ELOVL6: variants seen among roughly 807,000 people sequenced by gnomAD.
ELOVL6 encodes the protein ELOVL fatty acid elongase 6, also known as very long chain fatty acid elongase 6.
A neutral mutation model predicts 31.7 loss-of-function variants in ELOVL6; 8 were observed. The ratio of observed to expected loss-of-function variants is 0.25; its 90% CI spans 0.15 to 0.45. The LOEUF (loss-of-function observed/expected upper bound fraction) is 0.45. Among genes scored for constraint, ELOVL6 ranks in the 20% least tolerant of loss-of-function variants. ELOVL6 has a pLI of 1.00. For synonymous variants in ELOVL6, 101 were observed against 117.7 expected (o/e 0.86, Z 0.92); for missense variants, 126 against 326.4 (o/e 0.39, Z 4.73).
intron 1 of ELOVL6, among the ~76,000 whole-genome samples, chr4:110,121,530 C>G (rs1392139696): frequency 6.6e-6 from 1 of 152,146 alleles, no homozygotes; most frequent in Non-Finnish European, 1.5e-5. Flanking sequence ...AACCCCGTCT[C>G]TACTAAAAAT....
At chr4:110,183,439 G>A (rs763965976) in intron 1 of ELOVL6, among the ~76,000 whole-genome samples, 1 of 152,118 alleles carries the variant, frequency 6.6e-6, no homozygotes, top group Admixed American at 6.5e-5. Flanking sequence ...GTAAAACCAA[G>A]CTATAAACCA....
intron 2 of ELOVL6, among the ~76,000 whole-genome samples, chr4:110,072,994 C>T (rs1755534105): frequency 6.6e-6 from 1 of 152,116 alleles, no homozygotes; most frequent in Admixed American, 6.5e-5. Context: ...TATGTGTATA[C>T]AACTGATTTA....
intron 1 of ELOVL6, among the ~76,000 whole-genome samples, chr4:110,175,133 C>T (rs527721856): frequency 1.3e-5 from 2 of 152,046 alleles, no homozygotes; most frequent in Admixed American, 1.3e-4. Flanking sequence ...CCTGTAATCG[C>T]AATACTTTGG....
chr4:110,185,489 A>G (rs935056308), intron 1 of ELOVL6, among the ~76,000 whole-genome samples: 25 of 151,908 alleles, frequency 1.6e-4, no homozygotes, highest in African/African-American at 4.6e-4. Flanking sequence ...AAGTTTTAAT[A>G]AATCTCTTAG....
At chr4:110,188,595 C>T (rs768031182) in intron 1 of ELOVL6, among the ~76,000 whole-genome samples, 5 of 151,956 alleles carry the variant, frequency 3.3e-5, no homozygotes, top group South Asian at 2.1e-4. Context: ...AGTTAAAGTA[C>T]GTAAAACATT....
chr4:110,079,267 C>A (rs1016191765), intron 2 of ELOVL6, among the ~76,000 whole-genome samples: 4 of 152,138 alleles, frequency 2.6e-5, no homozygotes, highest in Non-Finnish European at 5.9e-5. Flanking sequence ...AATTCTCCAC[C>A]CCAAATCAAC....
At chr4:110,072,144 G>A (rs1054582314) in intron 2 of ELOVL6, among the ~76,000 whole-genome samples, 5 of 152,316 alleles carry the variant, frequency 3.3e-5, no homozygotes, top group African/African-American at 1.2e-4. Context: ...TCAGAACATT[G>A]AGTCTGCCAG....
chr4:110,164,880 C>T (rs1758728051), intron 1 of ELOVL6, among the ~76,000 whole-genome samples: 1 of 151,888 alleles, frequency 6.6e-6, no homozygotes, highest in Non-Finnish European at 1.5e-5. Context: ...ACTCTGTTGC[C>T]CAGGTTGGAG....
chr4:110,121,835 T>C (rs1757367235), intron 1 of ELOVL6, among the ~76,000 whole-genome samples: 1 of 150,938 alleles, frequency 6.6e-6, no homozygotes, highest in Non-Finnish European at 1.5e-5. Context: ...TAGGTCACAT[T>C]CATAAGGCTT....
rs751870686 is a variant in ELOVL6 at position 110,050,414 on chromosome 4, G to C, written c.*924C>G. On this transcript the variant is annotated 3_prime_UTR_variant, in exon 4 of 4. Transcript: ENST00000302274. ...TTCCAGCTCACAGTGGTCCTGGGCC[G>C]GGCCTTTTTACAAATACTACAGAAC... 1.3e-5 allele frequency: 2 copies of C among 152,218 alleles called. No homozygotes were observed. The highest frequency in any genetic ancestry group is 2.4e-5 in the African/African-American group (1 of 41,380). The allele number at this position is 152,218 out of a possible 1,614,324, so 9.4% of individuals were successfully genotyped here.
chr4:110,175,039 T>C (rs541932235), intron 1 of ELOVL6, among the ~76,000 whole-genome samples: 5 of 150,224 alleles, frequency 3.3e-5, no homozygotes, highest in African/African-American at 9.9e-5. Flanking sequence ...ATTTATAATT[T>C]AAAAAACTAA....
At chr4:110,150,818 G>A (rs562351576) in intron 1 of ELOVL6, among the ~76,000 whole-genome samples, 2 of 151,654 alleles carry the variant, frequency 1.3e-5, no homozygotes, top group African/African-American at 2.4e-5. Context: ...CGAGGTGGAC[G>A]GATCACCTGA....
intron 1 of ELOVL6, among the ~76,000 whole-genome samples, chr4:110,173,308 T>TG (rs2126274316): frequency 6.6e-6 from 1 of 152,206 alleles, no homozygotes; most frequent in Non-Finnish European, 1.5e-5. Context: ...GTTCTCTGAG[T>TG]GCTAGTCCCA....
At chr4:110,140,426 C>G (rs1053802312) in intron 1 of ELOVL6, among the ~76,000 whole-genome samples, 8 of 151,814 alleles carry the variant, frequency 5.3e-5, no homozygotes, top group Admixed American at 1.3e-4. Flanking sequence ...TTTTTGTTAT[C>G]ATTATTATTA....
intron 1 of ELOVL6, among the ~76,000 whole-genome samples, chr4:110,135,943 T>A (rs1757796750): frequency 6.6e-6 from 1 of 152,180 alleles, no homozygotes; most frequent in Non-Finnish European, 1.5e-5. Context: ...GGATGTTGAG[T>A]GTGTGTGAGT....
chr4:110,081,123 C>A (rs998176228), intron 2 of ELOVL6, among the ~76,000 whole-genome samples: 1 of 152,132 alleles, frequency 6.6e-6, no homozygotes, highest in African/African-American at 2.4e-5. Context: ...ACATTCCATG[C>A]TCATGGGTAG....
chr4:110,198,205 G>T, intron 1 of ELOVL6, 42 bp downstream of exon 1: 1 of 1,222,062 alleles, frequency 8.2e-7, no homozygotes, highest in Non-Finnish European at 1.2e-6. Context: ...GGGAAGACGC[G>T]CAGGGCTCCC....
intron 2 of ELOVL6, among the ~76,000 whole-genome samples, chr4:110,094,114 T>C (rs1187808951): frequency 1.3e-5 from 2 of 151,546 alleles, no homozygotes; most frequent in Non-Finnish European, 2.9e-5. Flanking sequence ...CCAGGTGCGG[T>C]GGCATGCGTC....
At chr4:110,105,465 T>C in intron 2 of ELOVL6, 32 bp downstream of exon 2, 1 of 1,576,384 alleles carries the variant, frequency 6.3e-7, no homozygotes, top group East Asian at 2.2e-5. Flanking sequence ...ATAAAATGGA[T>C]ACGTTTTATT....
Sources: gnomAD v4.1 joint callset for allele counts (sites outside exome capture counted in the v4.1 genomes callset) on GRCh38, gnomAD v4.1.1 for gene constraint, MANE v1.5 for transcripts, NCBI Gene and HGNC (gene_info 2026-07-23, HGNC 2026-07-21) for gene names.